The following GRM7 variants were observed in gnomAD, a reference collection of about 807,000 sequenced individuals.
GRM7 encodes metabotropic glutamate receptor 7.
Under a neutral mutation model 84.5 loss-of-function variants are expected in GRM7, and 35 were observed. The ratio of observed to expected loss-of-function variants is 0.41; its 90% CI spans 0.32 to 0.55. The LOEUF is 0.55. GRM7 is among the 20% of genes least tolerant of loss of function. GRM7 has a pLI of 0.19. For synonymous variants in GRM7, 487 were observed against 455.1 expected (o/e 1.07, Z -0.89); for missense variants, 1,003 against 1,194.6 (o/e 0.84, Z 2.36).
chr3:7,622,212 C>T (rs2125089023), intron 8 of GRM7, among the ~76,000 whole-genome samples: 1 of 152,154 alleles, frequency 6.6e-6, no homozygotes, highest in African/African-American at 2.4e-5. Context: ...TTCAGTCATT[C>T]AACAAACTTT....
intron 1 of GRM7, among the ~76,000 whole-genome samples, 162 bp from the exon 2 acceptor site, chr3:7,146,290 A>G (rs751968213): frequency 1.6e-4 from 25 of 152,342 alleles, no homozygotes; most frequent in Admixed American, 3.3e-4. Context: ...GAAGAAGTAG[A>G]TGGTTGCATT....
intron 4 of GRM7, 134 bp from the exon 5 acceptor site, chr3:7,414,889 T>G: frequency 1.7e-6 from 1 of 585,550 alleles, no homozygotes. Flanking sequence ...TCTGTTAATT[T>G]TTTTTTTTTT....
chr3:7,528,222 G>A (rs1700886100), intron 7 of GRM7, among the ~76,000 whole-genome samples: 1 of 151,856 alleles, frequency 6.6e-6, no homozygotes, highest in Non-Finnish European at 1.5e-5. Context: ...GTCTGTTGAG[G>A]GTTTCAGTTT....
intron 2 of GRM7, among the ~76,000 whole-genome samples, chr3:7,248,980 ATATAGATCAG>A (rs1157408024): frequency 6.6e-6 from 1 of 152,186 alleles, no homozygotes. Context: ...GAGAAAATAA[ATATAGATCAG>A]TAGACAGCCA....
chr3:7,006,733 A>T (rs1379326388), intron 1 of GRM7, among the ~76,000 whole-genome samples: 3 of 152,200 alleles, frequency 2.0e-5, no homozygotes, highest in Non-Finnish European at 4.4e-5. Flanking sequence ...ATATCATCAC[A>T]TAGAGCTGTG....
intron 2 of GRM7, among the ~76,000 whole-genome samples, chr3:7,236,104 C>G (rs1165577751): frequency 6.6e-6 from 1 of 152,076 alleles, no homozygotes; most frequent in African/African-American, 2.4e-5. Flanking sequence ...CTAACTGGCT[C>G]CCTCCTCAAG....
intron 4 of GRM7, among the ~76,000 whole-genome samples, chr3:7,403,786 T>A (rs1477698149): frequency 1.3e-5 from 2 of 151,176 alleles, no homozygotes; most frequent in African/African-American, 4.8e-5. Flanking sequence ...TGTGTATATA[T>A]GTGAATATAT....
chr3:7,633,576 A>C (rs1368924607), intron 8 of GRM7, among the ~76,000 whole-genome samples: 1 of 152,104 alleles, frequency 6.6e-6, no homozygotes, highest in Non-Finnish European at 1.5e-5. Flanking sequence ...GGGAGGAATT[A>C]AACTGGAATT....
intron 8 of GRM7, among the ~76,000 whole-genome samples, chr3:7,629,861 A>G (rs967214946): frequency 8.5e-5 from 13 of 152,162 alleles, no homozygotes; most frequent in African/African-American, 2.9e-4. Context: ...ATAGATTTGA[A>G]ACCCAGGAAA....
intron 4 of GRM7, among the ~76,000 whole-genome samples, chr3:7,318,465 T>A (rs1700659824): frequency 6.6e-6 from 1 of 152,008 alleles, no homozygotes. Context: ...AATACAGGGC[T>A]TAATATGAAA....
intron 9 of GRM7, among the ~76,000 whole-genome samples, chr3:7,724,851 T>A (rs148693509): frequency 1.3e-5 from 2 of 152,290 alleles, no homozygotes; most frequent in Non-Finnish European, 2.9e-5. Flanking sequence ...CAGCCTTGAA[T>A]CCCTGAGCTC....
At chr3:7,161,390 C>T (rs1336244301) in intron 2 of GRM7, among the ~76,000 whole-genome samples, 5 of 146,174 alleles carry the variant, frequency 3.4e-5, no homozygotes, top group East Asian at 2.0e-4. Context: ...TTAACTCTTA[C>T]GTGAAATAAC....
At chr3:7,135,696 T>C (rs1309065723) in intron 1 of GRM7, among the ~76,000 whole-genome samples, 1 of 151,486 alleles carries the variant, frequency 6.6e-6, no homozygotes, top group Non-Finnish European at 1.5e-5. Context: ...TATAAAAAAA[T>C]ATACTGAGAA....
chr3:7,646,770 T>A (rs558764945), intron 8 of GRM7, among the ~76,000 whole-genome samples: 1 of 152,344 alleles, frequency 6.6e-6, no homozygotes, highest in South Asian at 2.1e-4. Context: ...TGATAATGAA[T>A]GGCTCTGGAT....
At chr3:7,691,456 C>T in intron 9 of GRM7, 2 of 278,730 alleles carry the variant, frequency 7.2e-6, no homozygotes, top group Non-Finnish European at 1.4e-5. Flanking sequence ...AGCTTCATCA[C>T]TTAATGGATC....
intron 1 of GRM7, among the ~76,000 whole-genome samples, chr3:6,945,003 T>G (rs141979955): frequency 6.6e-6 from 1 of 152,146 alleles, no homozygotes; most frequent in Admixed American, 6.6e-5. Flanking sequence ...TTTCTGATAC[T>G]GGTAATTTGT....
chr3:7,140,391 C>A (rs1352335939), intron 1 of GRM7, among the ~76,000 whole-genome samples: 1 of 151,780 alleles, frequency 6.6e-6, no homozygotes, highest in Non-Finnish European at 1.5e-5. Context: ...GAATTGTAAG[C>A]CATTCTAACC....
At chr3:7,096,520 A>G (rs961432826) in intron 1 of GRM7, among the ~76,000 whole-genome samples, 5 of 152,080 alleles carry the variant, frequency 3.3e-5, no homozygotes, top group African/African-American at 1.2e-4. Flanking sequence ...CACTGTGATG[A>G]TGCATCACCC....
chr3:7,606,007 G>GT (rs1377036460), intron 8 of GRM7, among the ~76,000 whole-genome samples: 2 of 152,198 alleles, frequency 1.3e-5, no homozygotes, highest in African/African-American at 4.8e-5. Context: ...GAGGTATACT[G>GT]TTGTTGCCTG....
Sources: gnomAD v4.1 joint callset for allele counts (sites outside exome capture counted in the v4.1 genomes callset) on GRCh38, gnomAD v4.1.1 for gene constraint, MANE v1.5 for transcripts, NCBI Gene and HGNC (gene_info 2026-07-23, HGNC 2026-07-21) for gene names.